BICC1: variants seen among roughly 807,000 people sequenced by gnomAD.
BICC1 encodes the protein BicC family RNA binding protein 1.
In BICC1, 43 loss-of-function variants were observed where a neutral mutation model predicts 111.0. The observed-to-expected ratio is 0.39, with a 90% CI of 0.30 to 0.50. The LOEUF (loss-of-function observed/expected upper bound fraction) is 0.50, where lower values mean the gene tolerates loss of function less well. Among genes scored for constraint, BICC1 ranks in the 20% least tolerant of loss-of-function variants. The probability of loss-of-function intolerance (pLI) is 0.88; values close to 1 mark genes in which losing one functional copy is unlikely to be tolerated. For missense variants in BICC1, 1,091 were observed against 1,203.2 expected, an observed-to-expected ratio of 0.91 and a Z score of 1.38; for synonymous variants, 467 against 434.4, an observed-to-expected ratio of 1.07 and a Z score of -0.93.
At chr10:58,739,591 A>T (rs9415581) in intron 3 of BICC1, among the ~76,000 whole-genome samples, 272 of 152,038 alleles carry the variant, frequency 1.8e-3, no homozygotes, top group Non-Finnish European at 3.2e-3. Context: ...AACAATTCTT[A>T]CATGGAAGTA....
chr10:58,753,630 G>C (rs970557891), intron 3 of BICC1, among the ~76,000 whole-genome samples: 2 of 151,684 alleles, frequency 1.3e-5, no homozygotes, highest in African/African-American at 4.8e-5. Context: ...TCTCTGCATC[G>C]GCCACACCTG....
At chr10:58,646,384 C>A (rs577956437) in intron 2 of BICC1, among the ~76,000 whole-genome samples, 1 of 152,150 alleles carries the variant, frequency 6.6e-6, no homozygotes, top group South Asian at 2.1e-4. Context: ...AGTAAATGAC[C>A]TATTTGTTTG....
intron 3 of BICC1, among the ~76,000 whole-genome samples, chr10:58,752,283 A>T (rs144760944): frequency 2.0e-4 from 31 of 152,268 alleles, no homozygotes; most frequent in African/African-American, 7.5e-4. Context: ...GCGCGTATTG[A>T]TGGCATTTTA....
At chr10:58,808,224 G>A (rs935783389) in intron 17 of BICC1, among the ~76,000 whole-genome samples, 2 of 152,130 alleles carry the variant, frequency 1.3e-5, no homozygotes, top group Non-Finnish European at 2.9e-5. Flanking sequence ...GCAGCAGAAT[G>A]TAGGAACCAT....
At chr10:58,591,195 G>T (rs1844605362) in intron 1 of BICC1, among the ~76,000 whole-genome samples, 1 of 152,190 alleles carries the variant, frequency 6.6e-6, no homozygotes, top group Non-Finnish European at 1.5e-5. Flanking sequence ...AGCAGTGCTA[G>T]GGAGGATTCA....
At chr10:58,666,802 C>T (rs1449336681) in intron 2 of BICC1, among the ~76,000 whole-genome samples, 3 of 152,082 alleles carry the variant, frequency 2.0e-5, no homozygotes, top group Non-Finnish European at 4.4e-5. Flanking sequence ...GCATAGTAGC[C>T]ATTCAATTGC....
At chr10:58,825,961 A>G (rs1844381990) in intron 20 of BICC1, among the ~76,000 whole-genome samples, 1 of 152,134 alleles carries the variant, frequency 6.6e-6, no homozygotes, top group Non-Finnish European at 1.5e-5. Context: ...CCACGTCAAG[A>G]TAAGTGAATC....
intron 3 of BICC1, among the ~76,000 whole-genome samples, chr10:58,774,076 CACTA>C (rs567814962): frequency 6.0e-4 from 91 of 152,258 alleles, no homozygotes; most frequent in African/African-American, 2.1e-3. Flanking sequence ...ATATGGCCTT[CACTA>C]ACTATTTGCC....
At chr10:58,582,744 C>T (rs1256423762) in intron 1 of BICC1, among the ~76,000 whole-genome samples, 1 of 152,122 alleles carries the variant, frequency 6.6e-6, no homozygotes, top group African/African-American at 2.4e-5. Flanking sequence ...TTTTGGAGGC[C>T]ACCTGCATCC....
intron 2 of BICC1, among the ~76,000 whole-genome samples, chr10:58,670,702 A>G (rs1051838803): frequency 3.3e-5 from 5 of 152,182 alleles, no homozygotes; most frequent in African/African-American, 1.2e-4. Flanking sequence ...TCTGATTTTT[A>G]AGTTCCTGTG....
chr10:58,618,778 AG>A (rs1443431505), intron 1 of BICC1, among the ~76,000 whole-genome samples: 5 of 152,228 alleles, frequency 3.3e-5, no homozygotes, highest in African/African-American at 1.2e-4. Flanking sequence ...GCCACAGTGT[AG>A]TAGCTTAAAA....
chr10:58,698,501 C>T (rs1305448125), intron 2 of BICC1, among the ~76,000 whole-genome samples: 1 of 152,128 alleles, frequency 6.6e-6, no homozygotes, highest in Non-Finnish European at 1.5e-5. Flanking sequence ...TCCTTGACTA[C>T]CCACGACCGG....
chr10:58,586,092 G>GA (rs1844419147), intron 1 of BICC1, among the ~76,000 whole-genome samples: 1 of 152,080 alleles, frequency 6.6e-6, no homozygotes, highest in Non-Finnish European at 1.5e-5. Context: ...GCCAGTAGTA[G>GA]AAAAAAATGT....
At chr10:58,713,594 A>T (rs1182145626) in intron 3 of BICC1, among the ~76,000 whole-genome samples, 1 of 152,256 alleles carries the variant, frequency 6.6e-6, no homozygotes, top group African/African-American at 2.4e-5. Flanking sequence ...AATTCAAGAC[A>T]CGGTAATCTG....
intron 3 of BICC1, among the ~76,000 whole-genome samples, chr10:58,739,186 G>A (rs1411112292): frequency 1.3e-5 from 2 of 152,024 alleles, no homozygotes; most frequent in Non-Finnish European, 2.9e-5. Flanking sequence ...AATGCTTCCA[G>A]TTTTCCATTC....
chr10:58,682,553 T>G (rs912794045), intron 2 of BICC1, among the ~76,000 whole-genome samples: 6 of 152,140 alleles, frequency 3.9e-5, no homozygotes, highest in African/African-American at 1.4e-4. Flanking sequence ...TTTTAATGAT[T>G]GCCATTCTAA....
intron 1 of BICC1, among the ~76,000 whole-genome samples, chr10:58,600,315 G>A (rs1329574437): frequency 2.6e-5 from 4 of 152,014 alleles, no homozygotes; most frequent in Admixed American, 2.0e-4. Context: ...TCTGTTTATA[G>A]CCACTGAGTA....
rs375782691 is a variant in BICC1 at position 58,817,428 on chromosome 10, G to A, written c.2534-134G>A. 103 of 915,686 alleles carry A rather than the reference G, an allele frequency of 1.1e-4. No homozygotes were observed. In the East Asian group the frequency reaches 2.2e-3, roughly 19 times the overall value. 56.7% of individuals were successfully genotyped at this position (915,686 alleles called of 1,614,324 possible). On this transcript the variant is annotated intron_variant, in intron 18 of 20. Coordinates refer to ENST00000373886, the MANE Select transcript of BICC1 (RefSeq NM_001080512.3). ...AAAGCCAATATTTCAGTAAAGGATT[G>A]CTGTATTTCTACAGCTACTGCCCTA...
At chr10:58,753,801 C>A (rs776305078) in intron 3 of BICC1, among the ~76,000 whole-genome samples, 1 of 151,722 alleles carries the variant, frequency 6.6e-6, no homozygotes, top group Non-Finnish European at 1.5e-5. Flanking sequence ...TGTAATATAC[C>A]TTGATATATG....
Sources: allele counts gnomAD v4.1 joint callset (sites outside exome capture counted in the v4.1 genomes callset), GRCh38; gene constraint gnomAD v4.1.1; transcripts MANE v1.5; gene names NCBI Gene and HGNC (gene_info 2026-07-23, HGNC 2026-07-21).